Variants in COX15 observed in about 807,000 individuals in gnomAD.
COX15 encodes the protein heme A synthase COX15.
Under a neutral mutation model 51.9 loss-of-function variants are expected in COX15, and 51 were observed. The ratio of observed to expected loss-of-function variants is 0.98; its 90% CI spans 0.78 to 1.24. COX15 has a LOEUF of 1.24. Ranked by LOEUF, COX15 falls within the 50% of genes most tolerant of loss-of-function variation. The pLI is 0.00. For synonymous variants in COX15, 188 were observed against 190.5 expected (o/e 0.99, Z 0.11); for missense variants, 420 against 501.1 (o/e 0.84, Z 1.55).
chr10:99,713,312 T>G lies in COX15; in HGVS notation c.*1275A>C. The G allele has an allele frequency of 6.3e-7, 1 of 1,592,230 alleles. No homozygotes were observed. The highest frequency in any genetic ancestry group is 8.6e-7 in the Non-Finnish European group (1 of 1,165,012). On this transcript the variant is annotated 3_prime_UTR_variant, in exon 9 of 9. Coordinates refer to ENST00000016171, the MANE Select transcript of COX15 (RefSeq NM_078470.6). ...TTAATTTAAATGAGTATGTTACATT[T>G]CTAATCTGTTTAATTTCATCTCGAT... is the stretch of plus-strand genomic sequence containing the variant.
At position 99,713,171 on chromosome 10, in the gene COX15, A is replaced by G; in HGVS notation, c.*1416T>C. ...CCACTAATTTTTCTGTTATCATATA[A>G]TAACAACATGAATACTACTTGGTTC... On this transcript the variant is annotated 3_prime_UTR_variant, in exon 9 of 9. Transcript: ENST00000016171. 7.3e-7 allele frequency: 1 copy of G among 1,364,354 alleles called. No homozygotes were observed. Among genetic ancestry groups the G allele is most frequent in the Non-Finnish European group, 9.5e-7 (1 of 1,054,548 alleles). 84.5% of individuals were successfully genotyped at this position (1,364,354 alleles called of 1,614,324 possible). A position where few individuals can be genotyped will look rare whatever the true frequency, so the allele number is the denominator to read the frequency against.
At position 99,713,160 on chromosome 10, in the gene COX15, G is replaced by A. The variant is rs547128653; in HGVS notation, c.*1427C>T. On this transcript the variant is annotated 3_prime_UTR_variant, in exon 9 of 9. Transcript: ENST00000016171. ...AACCTGAAGTACCACTAATTTTTCT[G>A]TTATCATATAATAACAACATGAATA... The A allele has an allele frequency of 7.4e-7, 1 of 1,343,562 alleles. No homozygotes were observed. Among genetic ancestry groups the A allele is most frequent in the Non-Finnish European group, 9.6e-7 (1 of 1,043,614 alleles). 83.2% of individuals were successfully genotyped at this position (1,343,562 alleles called of 1,614,324 possible).
At chr10:99,729,457 C>G (rs2037065087) in intron 2 of COX15, 96 bp downstream of exon 2, 4 of 1,037,576 alleles carry the variant, frequency 3.9e-6, no homozygotes, top group Non-Finnish European at 5.4e-6. Flanking sequence ...AAGACTCTGT[C>G]TCAAAAAAAA....
rs1330508309 is a variant in COX15, at chr10:99,727,064, C to CA, written c.485dup (p.Tyr163ValfsTer52). The CA allele has an allele frequency of 6.2e-7, 1 of 1,614,172 alleles. No individual in the cohort carries two copies. The highest frequency in any genetic ancestry group is 8.5e-7 in the Non-Finnish European group (1 of 1,180,032). The stretch of plus-strand genomic sequence containing the variant: ...AAAAGTAGGCAGCAGGCAGGATGTA[C>CA]ACAAGGCCTACAAGGCGACCCCACA... On this transcript the variant is annotated frameshift_variant, in exon 4 of 9. Transcript: ENST00000016171. LOFTEE classifies it high-confidence loss of function.
chr10:99,698,805 G>A, the COX15 span: 3 of 1,613,582 alleles, frequency 1.9e-6, no homozygotes, highest in East Asian at 2.2e-5. Flanking sequence ...TACAGAGGAT[G>A]TGTTGCGCAT....
downstream of COX15, chr10:99,709,256 C>G: frequency 6.1e-6 from 6 of 985,256 alleles, no homozygotes; most frequent in Non-Finnish European, 7.2e-6. Flanking sequence ...AGGGCTGTTT[C>G]TTTTTGTTGT....
chr10:99,704,053 G>C, the COX15 span, among the ~76,000 whole-genome samples: 1 of 152,270 alleles, frequency 6.6e-6, no homozygotes, highest in South Asian at 2.1e-4. Context: ...AAAGGATTTA[G>C]ACACACACAC....
chr10:99,714,437 A>G lies in COX15; in HGVS notation c.*150T>C. 3 of 1,513,946 alleles carry G rather than the reference A, an allele frequency of 2.0e-6. No individual in the cohort carries two copies. Among genetic ancestry groups the G allele is most frequent in the East Asian group, 4.9e-5 (2 of 40,614 alleles). 93.8% of individuals were successfully genotyped at this position (1,513,946 alleles called of 1,614,324 possible). On this transcript the variant is annotated 3_prime_UTR_variant, in exon 9 of 9. Transcript: ENST00000016171. Reference sequence around the variant, plus strand: ...TTAATGCATTCTTGATCCAGTGACTATCTCAAAACAGGAAAAGATTTTTAA... The same window carrying G: ...TTAATGCATTCTTGATCCAGTGACTGTCTCAAAACAGGAAAAGATTTTTAA...
In COX15 at chr10:99,716,432, C is replaced by G; in HGVS notation, c.1017G>C (p.Val339=). The change falls in exon 8 of 9, where the codon GTG becomes GTC. Residue 339 remains valine (V), a synonymous_variant. Coordinates refer to ENST00000016171, the MANE Select transcript of COX15 (RefSeq NM_078470.6). ...GAATTCTCCGAGAGAGGAAGTAGAG[C>G]ACTGTAATGGCAGTGACTGAAGTGA... The part of the protein sequence containing the change: ...LGITSVTAIT[V]LYFLSRRIPL... 1 of 1,613,674 alleles carries G rather than the reference C, an allele frequency of 6.2e-7. No individual in the cohort carries two copies. The highest frequency in any genetic ancestry group is 8.5e-7 in the Non-Finnish European group (1 of 1,179,730).
the COX15 span, among the ~76,000 whole-genome samples, chr10:99,698,203 C>T: frequency 1.7e-4 from 26 of 152,112 alleles, no homozygotes; most frequent in Admixed American, 6.5e-4. Flanking sequence ...ACACTCCGCA[C>T]GATAAGGTCC....
the COX15 span, chr10:99,701,051 C>G: frequency 1.0e-4 from 163 of 1,613,464 alleles, 1 homozygote; most frequent in East Asian, 3.3e-3. Context: ...AGATGAGCAT[C>G]GACTCAAGTA....
In COX15 at chr10:99,712,406, C is replaced by A. The variant is rs1480324295; in HGVS notation, c.*2181G>T. The A allele has an allele frequency of 4.1e-6, 4 of 985,258 alleles. No homozygotes were observed. The highest frequency in any genetic ancestry group is 3.5e-5 in the African/African-American group (2 of 57,232). The allele number at this position is 985,258 out of a possible 1,614,324, so 61.0% of individuals were successfully genotyped here. ...CCCAACACTTAATTGAGAGCTTTCA[C>A]AGAAAAATCTAGATATGTGGCTTAT... On this transcript the variant is annotated 3_prime_UTR_variant, in exon 9 of 9. Coordinates refer to ENST00000016171, the MANE Select transcript of COX15 (RefSeq NM_078470.6).
At chr10:99,704,343 A>G in the COX15 span, 1 of 1,068,914 alleles carries the variant, frequency 9.4e-7, no homozygotes, top group Non-Finnish European at 1.4e-6. Context: ...TAAAATGTTT[A>G]TGTGGATGGA....
chr10:99,729,125 C>G (rs1010575823), intron 2 of COX15, among the ~76,000 whole-genome samples: 1 of 152,168 alleles, frequency 6.6e-6, no homozygotes, highest in Non-Finnish European at 1.5e-5. Flanking sequence ...GCCTCGGTTT[C>G]TCCATCTATA....
chr10:99,700,453 C>CT, the COX15 span, among the ~76,000 whole-genome samples: 1 of 149,182 alleles, frequency 6.7e-6, no homozygotes, highest in Admixed American at 6.7e-5. Flanking sequence ...TGTTTATTGT[C>CT]TGTCTCCTAC....
chr10:99,701,136 G>A, the COX15 span: 28 of 1,237,692 alleles, frequency 2.3e-5, no homozygotes, highest in Admixed American at 5.2e-5. Flanking sequence ...GAGCAATAAT[G>A]CAGATTAGAT....
At chr10:99,702,797 A>C in the COX15 span, 1 of 822,658 alleles carries the variant, frequency 1.2e-6, no homozygotes, top group Non-Finnish European at 1.7e-6. Context: ...CTTCCTCTCT[A>C]CCCCCTCACA....
intron 6 of COX15, 70 bp from the exon 7 acceptor site, chr10:99,718,570 G>C (rs1457460217): frequency 1.3e-6 from 2 of 1,524,628 alleles, no homozygotes; most frequent in Non-Finnish European, 1.8e-6. Flanking sequence ...TTCTGATATA[G>C]AAAAAGTCTG....
intron 1 of COX15, among the ~76,000 whole-genome samples, chr10:99,730,335 A>C (rs1181174746): frequency 6.6e-6 from 1 of 152,252 alleles, no homozygotes; most frequent in Non-Finnish European, 1.5e-5. Flanking sequence ...CTGTAATCCC[A>C]GCACTTTGGG....
Sources: allele counts gnomAD v4.1 joint callset (sites outside exome capture counted in the v4.1 genomes callset), GRCh38; gene constraint gnomAD v4.1.1; transcripts MANE v1.5; gene names NCBI Gene and HGNC (gene_info 2026-07-23, HGNC 2026-07-21).